Variants in HPSE2 observed in about 807,000 individuals in gnomAD.
HPSE2 encodes the protein inactive heparanase-2.
In HPSE2, 38 loss-of-function variants were observed where a neutral mutation model predicts 60.5. The observed-to-expected ratio is 0.63, with a 90% confidence interval of 0.48 to 0.82. The LOEUF (loss-of-function observed/expected upper bound fraction) is 0.82. HPSE2 is among the 40% of genes least tolerant of loss of function. HPSE2 has a pLI of 0.00. For missense variants in HPSE2, 713 were observed against 740.4 expected (o/e 0.96, Z 0.43); for synonymous variants, 295 against 293.2 (o/e 1.01, Z -0.06).
At chr10:98,492,211 A>G (rs2017304) in intron 9 of HPSE2, among the ~76,000 whole-genome samples, 73,332 of 152,150 alleles carry the variant, frequency 0.48, 21,364 homozygotes, top group South Asian at 0.64. Flanking sequence ...ACATTTGGAA[A>G]AAAGAGATAT....
intron 3 of HPSE2, among the ~76,000 whole-genome samples, chr10:98,960,170 C>G (rs930031941): frequency 1.3e-5 from 2 of 152,028 alleles, no homozygotes; most frequent in Non-Finnish European, 2.9e-5. Context: ...GAAAGTTATT[C>G]TATTTTCATT....
intron 6 of HPSE2, among the ~76,000 whole-genome samples, chr10:98,674,004 G>C (rs556681250): frequency 6.6e-6 from 1 of 152,306 alleles, no homozygotes; most frequent in African/African-American, 2.4e-5. Flanking sequence ...AGTAGGTCCA[G>C]ATTGGGGCTC....
intron 8 of HPSE2, among the ~76,000 whole-genome samples, chr10:98,616,646 T>C (rs1945919021): frequency 1.3e-5 from 2 of 152,198 alleles, no homozygotes; most frequent in African/African-American, 2.4e-5. Context: ...AAATATTTAC[T>C]GACAATTAGA....
At chr10:99,005,242 CT>C (rs1329487609) in intron 3 of HPSE2, among the ~76,000 whole-genome samples, 1 of 123,642 alleles carries the variant, frequency 8.1e-6, no homozygotes, top group Non-Finnish European at 1.7e-5. Flanking sequence ...TTTCAGTAAG[CT>C]TTTTACCCCA....
chr10:99,226,100 C>T lies in HPSE2; in HGVS notation c.448+6248G>A, dbSNP rs1849462814. On this transcript the variant is annotated intron_variant, in intron 2 of 11. Transcript: ENST00000370552. ...TTTTACCACATGAAGATAATTCTAA[C>T]ATACTTTCTATGTAGCCAGGGTGGT... Among the ~76,000 whole-genome samples, 6 of 151,932 alleles carry T rather than the reference C, an allele frequency of 3.9e-5. No homozygotes were observed. The South Asian group carries it at 1.0e-3, about 26-fold the overall frequency.
intron 9 of HPSE2, among the ~76,000 whole-genome samples, chr10:98,495,136 GA>G (rs1400341823): frequency 2.6e-5 from 4 of 151,058 alleles, no homozygotes; most frequent in Non-Finnish European, 5.9e-5. Context: ...TACTTTTGAA[GA>G]AAAAATTTTG....
rs139853903 is a variant in HPSE2 at position 99,181,630 on chromosome 10, A to G, written c.449-37231T>C. Among the ~76,000 whole-genome samples, 160 of 152,312 alleles carry G rather than the reference A, an allele frequency of 1.1e-3. 1 individual carries two copies. The highest frequency in any genetic ancestry group is 3.6e-3 in the African/African-American group (148 of 41,560). On this transcript the variant is annotated intron_variant, in intron 2 of 11. Coordinates refer to ENST00000370552, the MANE Select transcript of HPSE2 (RefSeq NM_021828.5). Reference sequence around the variant, plus strand: ...TCATTCTCAGCAAACACACACAGGAACAGAAAACCAAACACTGCATGTTCT... The same window carrying G: ...TCATTCTCAGCAAACACACACAGGAGCAGAAAACCAAACACTGCATGTTCT...
chr10:99,285,539 A>C, the HPSE2 span, among the ~76,000 whole-genome samples: 1 of 79,158 alleles, frequency 1.3e-5, no homozygotes. Flanking sequence ...GAGGGAGGGG[A>C]GGAAGGGAGG....
chr10:98,733,918 A>G (rs1949286470), intron 4 of HPSE2, among the ~76,000 whole-genome samples: 2 of 152,194 alleles, frequency 1.3e-5, no homozygotes, highest in African/African-American at 4.8e-5. Context: ...GGTTTTTAGT[A>G]TTTTCACACA....
chr10:98,458,149 C>T lies in HPSE2; in HGVS notation c.*1425G>A, dbSNP rs559324371. On this transcript the variant is annotated 3_prime_UTR_variant, in exon 12 of 12. Coordinates refer to ENST00000370552, the MANE Select transcript of HPSE2 (RefSeq NM_021828.5). Reference sequence around the variant, plus strand: ...CTTAGGCAGCCTCCCTAGTCTCTGCCCTAGGCAACCCTGCCTTGCCCCCGC... The same window carrying T: ...CTTAGGCAGCCTCCCTAGTCTCTGCTCTAGGCAACCCTGCCTTGCCCCCGC... The T allele has an allele frequency of 6.6e-6, 1 of 151,402 alleles. No homozygotes were observed. Among genetic ancestry groups the T allele is most frequent in the South Asian group, 2.1e-4 (1 of 4,764 alleles). 9.4% of individuals were successfully genotyped at this position (151,402 alleles called of 1,614,324 possible). A position where few individuals can be genotyped will look rare whatever the true frequency, so the allele number is the denominator to read the frequency against.
chr10:99,295,293 C>T, the HPSE2 span, among the ~76,000 whole-genome samples: 1 of 152,176 alleles, frequency 6.6e-6, no homozygotes, highest in Non-Finnish European at 1.5e-5. Flanking sequence ...GGTGGTAGAA[C>T]CAGGAAATAA....
chr10:98,565,108 A>G (rs1227854097), intron 9 of HPSE2, among the ~76,000 whole-genome samples: 1 of 151,244 alleles, frequency 6.6e-6, no homozygotes, highest in Non-Finnish European at 1.5e-5. Flanking sequence ...AGTTTGTGGA[A>G]TGAGGGAAAA....
chr10:99,154,048 G>C (rs1158474160), intron 2 of HPSE2, among the ~76,000 whole-genome samples: 7 of 151,618 alleles, frequency 4.6e-5, no homozygotes, highest in Non-Finnish European at 1.0e-4. Context: ...GGGAAGTTTA[G>C]AGAAAAAAGA....
intron 3 of HPSE2, among the ~76,000 whole-genome samples, chr10:99,122,876 A>C (rs1845012573): frequency 6.6e-6 from 1 of 152,156 alleles, no homozygotes; most frequent in Non-Finnish European, 1.5e-5. Flanking sequence ...AGAGTAGTTA[A>C]TAAGCCTTAC....
At chr10:98,828,717 G>A (rs1329249985) in intron 3 of HPSE2, among the ~76,000 whole-genome samples, 2 of 152,122 alleles carry the variant, frequency 1.3e-5, no homozygotes, top group East Asian at 1.9e-4. Flanking sequence ...GGTAAGTGTC[G>A]GCTGGTAAGA....
intron 3 of HPSE2, among the ~76,000 whole-genome samples, chr10:99,122,385 GA>G (rs1216346239): frequency 6.6e-6 from 1 of 151,690 alleles, no homozygotes; most frequent in East Asian, 1.9e-4. Flanking sequence ...TAAAAATTTA[GA>G]AAAAAGACAA....
intron 5 of HPSE2, among the ~76,000 whole-genome samples, chr10:98,704,025 C>G (rs11189759): frequency 0.14 from 21,840 of 152,168 alleles, 1,955 homozygotes; most frequent in Admixed American, 0.23. Context: ...ACCCCATCAT[C>G]TCAGCCCAAA....
At chr10:98,569,442 C>T (rs1944436892) in intron 9 of HPSE2, among the ~76,000 whole-genome samples, 1 of 152,136 alleles carries the variant, frequency 6.6e-6, no homozygotes, top group Non-Finnish European at 1.5e-5. Flanking sequence ...CTTAATGATA[C>T]ATTTAAATTA....
At chr10:98,944,703 C>T (rs949203404) in intron 3 of HPSE2, among the ~76,000 whole-genome samples, 5 of 152,266 alleles carry the variant, frequency 3.3e-5, no homozygotes, top group Non-Finnish European at 4.4e-5. Context: ...ACTAATTCTG[C>T]CTGGCCTAAC....
Sources: gnomAD v4.1 joint callset for allele counts (sites outside exome capture counted in the v4.1 genomes callset) on GRCh38, gnomAD v4.1.1 for gene constraint, MANE v1.5 for transcripts, NCBI Gene and HGNC (gene_info 2026-07-23, HGNC 2026-07-21) for gene names.